SEC14L3: variants seen among roughly 807,000 people sequenced by gnomAD.
SEC14L3 encodes SEC14 like lipid binding 3, also known as SEC14-like protein 3.
SEC14L3 carries 56 observed loss-of-function variants against 57.4 expected under a neutral mutation model. The observed-to-expected ratio is 0.97, with a 90% CI of 0.79 to 1.22. The LOEUF (loss-of-function observed/expected upper bound fraction) is 1.22, where lower values mean the gene tolerates loss of function less well. Ranked by LOEUF, SEC14L3 falls within the 50% of genes most tolerant of loss-of-function variation. The pLI, the probability that SEC14L3 is intolerant of heterozygous loss-of-function variation, is 0.00. For synonymous variants in SEC14L3, 173 were observed against 194.4 expected, an observed-to-expected ratio of 0.89 and a Z score of 0.92; for missense variants, 485 against 511.7, an observed-to-expected ratio of 0.95 and a Z score of 0.50.
In SEC14L3 at chr22:30,468,639, C is replaced by A; in HGVS notation, c.292G>T (p.Val98Leu). 1 of 1,613,908 alleles carries A rather than the reference C, an allele frequency of 6.2e-7. No homozygotes were observed. Among genetic ancestry groups the A allele is most frequent in the Non-Finnish European group, 8.5e-7 (1 of 1,179,936 alleles). Residue 98 changes from valine to leucine, a missense_variant, in exon 5 of 12, where the codon GTG becomes TTG. Physicochemically the swap from Val to Leu is conservative, Grantham distance 32. Coordinates refer to ENST00000215812, the MANE Select transcript of SEC14L3 (RefSeq NM_174975.5). ...LCGYDRDGCP[V>L]WYDIIGPLDP... ...AGTGGCCCAATGATGTCATACCACA[C>A]GGGGCAGCCATCACGGTCATAGCCA...
chr22:30,465,631 A>G (rs909431016), intron 7 of SEC14L3, among the ~76,000 whole-genome samples: 2 of 152,182 alleles, frequency 1.3e-5, no homozygotes, highest in Non-Finnish European at 2.9e-5. Context: ...CAGGCAACCA[A>G]CTAACTAGCC....
intron 1 of SEC14L3, 66 bp from the exon 2 acceptor site, chr22:30,470,648 C>T: frequency 3.7e-6 from 6 of 1,609,062 alleles, no homozygotes; most frequent in South Asian, 2.2e-5. Context: ...GACTCAAAGA[C>T]TGTTTTCACA....
intron 12 of SEC14L3, among the ~76,000 whole-genome samples, chr22:30,450,488 A>AGAC (rs1469390858): frequency 3.9e-5 from 6 of 152,090 alleles, no homozygotes; most frequent in African/African-American, 1.4e-4. Flanking sequence ...TTTTTAGTAG[A>AGAC]GACAGTGTTT....
intron 9 of SEC14L3, 86 bp downstream of exon 9, chr22:30,462,000 A>G: frequency 7.3e-7 from 1 of 1,364,466 alleles, no homozygotes; most frequent in Non-Finnish European, 1.0e-6. Context: ...ATCTCTCTAT[A>G]GGTAATTGTG....
chr22:30,467,148 A>G (rs1422857184), intron 5 of SEC14L3, 71 bp from the exon 6 acceptor site: 2 of 1,601,302 alleles, frequency 1.2e-6, no homozygotes, highest in African/African-American at 1.3e-5. Context: ...ATCCAAGTAC[A>G]TGACCCCTTG....
chr22:30,451,983 C>T (rs1934989701), intron 12 of SEC14L3, among the ~76,000 whole-genome samples: 1 of 95,276 alleles, frequency 1.0e-5, no homozygotes, highest in African/African-American at 4.4e-5. Context: ...GAGAGTAAGA[C>T]TCCATCTCAA....
At chr22:30,454,762 TA>T (rs1935062462), downstream of SEC14L3, among the ~76,000 whole-genome samples, 2 of 83,262 alleles carry the variant, frequency 2.4e-5, no homozygotes, top group African/African-American at 1.0e-4. Context: ...ATATAATATA[TA>T]ATATATAATA....
At chr22:30,448,319 G>A (rs1934917014) in exon 13 of SEC14L3, 1 of 152,156 alleles carries the variant, frequency 6.6e-6, no homozygotes, top group South Asian at 2.1e-4. Flanking sequence ...AAGCCACCAG[G>A]ATCCCAGGTC....
chr22:30,471,096 C>G, intron 1 of SEC14L3: 1 of 335,230 alleles, frequency 3.0e-6, no homozygotes, highest in Non-Finnish European at 5.8e-6. Context: ...ACCAGCCTGG[C>G]CAACATGGTG....
downstream of SEC14L3, among the ~76,000 whole-genome samples, chr22:30,458,879 C>T (rs988846006): frequency 1.3e-4 from 20 of 152,152 alleles, no homozygotes; most frequent in African/African-American, 4.1e-4. Flanking sequence ...GTGATGCCCA[C>T]CTGTAGTCCC....
At chr22:30,466,504 T>C (rs2146116330) in intron 6 of SEC14L3, 110 bp from the exon 7 acceptor site, 1 of 1,462,910 alleles carries the variant, frequency 6.8e-7, no homozygotes, top group East Asian at 2.3e-5. Flanking sequence ...AGGGTTTCCC[T>C]TCATGCCATC....
At chr22:30,458,462 C>G (rs1470424238), downstream of SEC14L3, among the ~76,000 whole-genome samples, 3 of 152,210 alleles carry the variant, frequency 2.0e-5, no homozygotes, top group African/African-American at 7.2e-5. Flanking sequence ...GGGTGACATG[C>G]AGGACACTTC....
chr22:30,449,656 C>G (rs1203271894), intron 12 of SEC14L3, among the ~76,000 whole-genome samples: 2 of 151,570 alleles, frequency 1.3e-5, no homozygotes, highest in South Asian at 2.1e-4. Flanking sequence ...CCTCCGCCTC[C>G]CAGTTTCAAG....
chr22:30,455,159 A>AATATTTAATATATT (rs1935095255), downstream of SEC14L3, among the ~76,000 whole-genome samples: 2 of 111,000 alleles, frequency 1.8e-5, no homozygotes, highest in African/African-American at 3.6e-5. Context: ...TATTATATTT[A>AATATTTAATATATT]ATATTTAATA....
intron 12 of SEC14L3, among the ~76,000 whole-genome samples, chr22:30,453,683 G>T (rs1379929518): frequency 2.0e-5 from 3 of 152,216 alleles, no homozygotes; most frequent in African/African-American, 7.2e-5. Context: ...GAAGTGCTGG[G>T]ATTACAGGCG....
At chr22:30,448,845 T>C in exon 13 of SEC14L3, 1 of 463,274 alleles carries the variant, frequency 2.2e-6, no homozygotes. Context: ...TGAGCTATGA[T>C]CGCACCACTG....
chr22:30,469,964 T>A, intron 4 of SEC14L3, 55 bp downstream of exon 4: 2 of 1,346,214 alleles, frequency 1.5e-6, no homozygotes, highest in Non-Finnish European at 2.0e-6. Flanking sequence ...TGGTCCCCAG[T>A]GACCTTGAGT....
chr22:30,462,981 C>T (rs1015279904), intron 8 of SEC14L3, among the ~76,000 whole-genome samples: 23 of 151,964 alleles, frequency 1.5e-4, no homozygotes, highest in Non-Finnish European at 2.6e-4. Context: ...GTGATCCACC[C>T]GCCTCGGCCT....
downstream of SEC14L3, among the ~76,000 whole-genome samples, chr22:30,457,625 C>T (rs1156904263): frequency 2.0e-5 from 3 of 151,860 alleles, no homozygotes; most frequent in African/African-American, 4.8e-5. Context: ...TCAAGTGATC[C>T]GCCTGCCTTG....
Sources: allele counts gnomAD v4.1 joint callset (sites outside exome capture counted in the v4.1 genomes callset), GRCh38; gene constraint gnomAD v4.1.1; transcripts MANE v1.5; gene names NCBI Gene and HGNC (gene_info 2026-07-23, HGNC 2026-07-21).